The following GLP2R variants were observed in gnomAD, a reference collection of about 807,000 sequenced individuals.
GLP2R encodes glucagon-like peptide 2 receptor.
Under a neutral mutation model 68.2 loss-of-function variants are expected in GLP2R, and 59 were observed. The ratio of observed to expected loss-of-function variants is 0.87; its 90% confidence interval spans 0.70 to 1.07. The LOEUF is 1.07. Ranked by LOEUF, GLP2R falls within the 50% of genes least tolerant of loss-of-function variation. The probability of loss-of-function intolerance (pLI) is 0.00; values close to 1 mark genes in which losing one functional copy is unlikely to be tolerated. For synonymous variants in GLP2R, 270 were observed against 265.4 expected, an observed-to-expected ratio of 1.02 and a Z score of -0.17; for missense variants, 548 against 677.4, an observed-to-expected ratio of 0.81 and a Z score of 2.12.
rs770186357 is a variant in GLP2R at position 9,826,021 on chromosome 17, G to A, written c.-43G>A. 7 of 1,542,600 alleles carry A rather than the reference G, an allele frequency of 4.5e-6. No individual in the cohort carries two copies. The highest frequency in any genetic ancestry group is 4.6e-5 in the East Asian group (2 of 43,848). On this transcript the variant is annotated 5_prime_UTR_variant, in exon 1 of 13. Transcript: ENST00000262441. ...AGGCTGCCTGCGGTGCATCTTGGAC[G>A]GCTAGAGAGATGTACCCCTACTTGT...
At chr17:9,858,855 T>G (rs2066957779) in intron 6 of GLP2R, among the ~76,000 whole-genome samples, 1 of 152,222 alleles carries the variant, frequency 6.6e-6, no homozygotes. Context: ...TCTTTGCTCT[T>G]TTTTCTACCC....
At position 9,826,620 on chromosome 17, in the gene GLP2R, C is replaced by T. The variant is rs562966234; in HGVS notation, c.189+368C>T. 1.7e-4 allele frequency among the ~76,000 whole-genome samples: 26 copies of T among 152,260 alleles called. 1 individual carries two copies. The highest frequency in any genetic ancestry group is 6.3e-4 in the African/African-American group (26 of 41,542). ...CCTTCTGTTTGTCTTCAGTATTCTC[C>T]CAGCTTTGAGTATTTAGGTTGAGCA... On this transcript the variant is annotated intron_variant, in intron 1 of 12. Transcript: ENST00000262441.
intron 1 of GLP2R, among the ~76,000 whole-genome samples, chr17:9,827,413 G>A (rs968044760): frequency 5.9e-5 from 9 of 152,228 alleles, no homozygotes; most frequent in Non-Finnish European, 1.2e-4. Flanking sequence ...CTGAGTCTCG[G>A]AGAAGTTGAG....
intron 3 of GLP2R, among the ~76,000 whole-genome samples, chr17:9,839,869 C>T (rs562166642): frequency 6.6e-6 from 1 of 152,252 alleles, no homozygotes; most frequent in South Asian, 2.1e-4. Context: ...TGGCCATGCT[C>T]CTCTGCCTAT....
At chr17:9,887,510 G>C (rs959071877) in intron 11 of GLP2R, among the ~76,000 whole-genome samples, 5 of 152,166 alleles carry the variant, frequency 3.3e-5, no homozygotes, top group African/African-American at 1.2e-4. Context: ...CTGGCGACAA[G>C]AGTGAAACTC....
At chr17:9,835,445 C>T (rs2066718920) in intron 2 of GLP2R, among the ~76,000 whole-genome samples, 1 of 152,082 alleles carries the variant, frequency 6.6e-6, no homozygotes, top group African/African-American at 2.4e-5. Context: ...TTGCCAAACA[C>T]CAGGGTAAAT....
intron 10 of GLP2R, among the ~76,000 whole-genome samples, chr17:9,871,721 C>CTTTTTTTT (rs372099240): frequency 8.4e-4 from 86 of 102,282 alleles, no homozygotes; most frequent in Non-Finnish European, 1.2e-3. Flanking sequence ...TACTTTCTTT[C>CTTTTTTTT]TTTTTTTTTT....
chr17:9,887,708 G>A (rs759917023), intron 11 of GLP2R, among the ~76,000 whole-genome samples: 5 of 152,186 alleles, frequency 3.3e-5, no homozygotes, highest in Non-Finnish European at 7.3e-5. Context: ...TGATATAGGC[G>A]GAGCAGGGCG....
intron 11 of GLP2R, among the ~76,000 whole-genome samples, chr17:9,884,033 T>G (rs1354231891): frequency 1.3e-5 from 2 of 152,190 alleles, no homozygotes; most frequent in Non-Finnish European, 2.9e-5. Context: ...AACTATACAT[T>G]GTATTTTTGG....
intron 4 of GLP2R, among the ~76,000 whole-genome samples, chr17:9,851,600 G>C (rs2066891896): frequency 6.6e-6 from 1 of 152,140 alleles, no homozygotes; most frequent in Non-Finnish European, 1.5e-5. Context: ...AATAATTCTA[G>C]AGAGAAACGT....
chr17:9,827,060 G>C (rs371612135), intron 1 of GLP2R, among the ~76,000 whole-genome samples: 3 of 151,892 alleles, frequency 2.0e-5, no homozygotes, highest in East Asian at 1.9e-4. Flanking sequence ...GTAGAGATGG[G>C]GTTTCACCAT....
At chr17:9,845,439 C>T (rs183537494) in intron 4 of GLP2R, among the ~76,000 whole-genome samples, 4 of 152,314 alleles carry the variant, frequency 2.6e-5, no homozygotes, top group African/African-American at 7.2e-5. Context: ...AGCCTCTCTG[C>T]AGGCATCGTA....
chr17:9,877,896 C>G (rs1006890753), intron 10 of GLP2R, among the ~76,000 whole-genome samples: 1 of 135,116 alleles, frequency 7.4e-6, no homozygotes, highest in Non-Finnish European at 1.6e-5. Context: ...AAAAAAAAAA[C>G]GTTAGGGAAA....
chr17:9,891,524 T>G lies in GLP2R; in HGVS notation c.*1819T>G, dbSNP rs1361594168. 1 of 152,192 alleles carries G rather than the reference T, an allele frequency of 6.6e-6. No homozygotes were observed. The highest frequency in any genetic ancestry group is 1.5e-5 in the Non-Finnish European group (1 of 68,036). The allele number at this position is 152,192 out of a possible 1,614,324, so 9.4% of individuals were successfully genotyped here. ...TTCAAATGTTGTCTATGAGGGACTT[T>G]TAATGTGAATTTTTATTTTTAGACA... On this transcript the variant is annotated 3_prime_UTR_variant, in exon 13 of 13. Transcript: ENST00000262441.
At chr17:9,851,096 G>T (rs2066887840) in intron 4 of GLP2R, among the ~76,000 whole-genome samples, 1 of 151,990 alleles carries the variant, frequency 6.6e-6, no homozygotes, top group South Asian at 2.1e-4. Flanking sequence ...ACAAAAAAAA[G>T]ACATGTCCCC....
intron 4 of GLP2R, among the ~76,000 whole-genome samples, chr17:9,850,873 T>C (rs2066885363): frequency 6.6e-6 from 1 of 152,008 alleles, no homozygotes; most frequent in Admixed American, 6.6e-5. Context: ...TTTGTATTTT[T>C]AGTAGAGATG....
intron 1 of GLP2R, among the ~76,000 whole-genome samples, chr17:9,830,041 C>T (rs903141909): frequency 4.6e-5 from 7 of 152,240 alleles, no homozygotes; most frequent in Admixed American, 2.6e-4. Flanking sequence ...CTTCTTTCCT[C>T]ATGACTTTGG....
Position 9,849,758 on chromosome 17 carries a change from G to A in GLP2R, c.505-4737G>A, listed in dbSNP as rs190079013. ...CTCCCGAGTAGCTGGGACTACAGGC[G>A]CCCGCCACCACGCTCGGCTAATTTT... On this transcript the variant is annotated intron_variant, in intron 4 of 12. Coordinates refer to ENST00000262441, the MANE Select transcript of GLP2R (RefSeq NM_004246.3). Among the ~76,000 whole-genome samples, 1,459 of 151,668 alleles carry A rather than the reference G, an allele frequency of 9.6e-3. 29 individuals carry two copies. Among genetic ancestry groups the A allele is most frequent in the African/African-American group, 0.032 (1,314 of 41,348 alleles).
Position 9,861,170 on chromosome 17 carries a change from T to G in GLP2R, c.957T>G (p.Gly319=). Residue 319 remains glycine (G), a synonymous_variant, in exon 8 of 13, where the codon GGT becomes GGG. Transcript: ENST00000262441. The part of the protein sequence containing the change: ...AFPVLFVVPW[G]FARAHLENTG... ...CTGTGCTATTTGTTGTACCCTGGGG[T>G]TTCGCCCGTGCACACCTGGAGAACA... 6.2e-7 allele frequency: 1 copy of G among 1,613,514 alleles called. No individual in the cohort carries two copies.
Sources: allele counts gnomAD v4.1 joint callset (sites outside exome capture counted in the v4.1 genomes callset), GRCh38; gene constraint gnomAD v4.1.1; transcripts MANE v1.5; gene names NCBI Gene and HGNC (gene_info 2026-07-23, HGNC 2026-07-21).